EPB41L3: variants seen among roughly 807,000 people sequenced by gnomAD.
The protein encoded by EPB41L3 is erythrocyte membrane protein band 4.1 like 3, also known as band 4.1-like protein 3.
EPB41L3 carries 57 observed loss-of-function variants against 127.1 expected under a neutral mutation model. The ratio of observed to expected loss-of-function variants is 0.45; its 90% CI spans 0.36 to 0.56. EPB41L3 has a LOEUF of 0.56. EPB41L3 is among the 20% of genes least tolerant of loss of function. EPB41L3 has a pLI of 0.00. For synonymous variants in EPB41L3, 572 were observed against 549.5 expected (o/e 1.04, Z -0.57); for missense variants, 1,273 against 1,372.2 (o/e 0.93, Z 1.14).
At chr18:5,396,051 C>T in intron 19 of EPB41L3, 150 bp downstream of exon 19, 1 of 951,546 alleles carries the variant, frequency 1.1e-6, no homozygotes, top group South Asian at 1.5e-5. Flanking sequence ...AATAAAATGA[C>T]CATTATTGCA....
Position 5,394,722 on chromosome 18 carries a change from A to G in EPB41L3, c.3225T>C (p.His1075=), listed in dbSNP as rs746565220. ...PDMSVTKVVV[H]KETEITPEDG... Reference sequence around the variant, plus strand: ...CTTCTGGTGTGATCTCTGTCTCTTTATGGACCACTACTTTGGTCACTGACA... The same window carrying G: ...CTTCTGGTGTGATCTCTGTCTCTTTGTGGACCACTACTTTGGTCACTGACA... Residue 1075 remains histidine, a synonymous_variant, in exon 22 of 23, where the codon CAT becomes CAC. Transcript: ENST00000341928. 23 of 1,614,042 alleles carry G rather than the reference A, an allele frequency of 1.4e-5. No individual in the cohort carries two copies. The highest frequency in any genetic ancestry group is 8.5e-7 in the Non-Finnish European group (1 of 1,180,018).
At chr18:5,540,536 A>T in intron 1 of EPB41L3, 5 of 985,480 alleles carry the variant, frequency 5.1e-6, no homozygotes, top group Non-Finnish European at 6.0e-6. Context: ...AATTCCCCAC[A>T]GCCAAGGCAA....
intron 1 of EPB41L3, among the ~76,000 whole-genome samples, chr18:5,514,060 A>G (rs2092655111): frequency 6.6e-6 from 1 of 152,222 alleles, no homozygotes; most frequent in African/African-American, 2.4e-5. Flanking sequence ...AGTGGAAGAA[A>G]ATGAGGATTT....
intron 1 of EPB41L3, among the ~76,000 whole-genome samples, chr18:5,622,358 G>A (rs576535519): frequency 2.6e-5 from 4 of 152,324 alleles, no homozygotes; most frequent in South Asian, 2.1e-4. Flanking sequence ...TCTGCTAGAT[G>A]TGTATTACTA....
chr18:5,470,048 G>T (rs967496345), intron 3 of EPB41L3, among the ~76,000 whole-genome samples: 1 of 152,110 alleles, frequency 6.6e-6, no homozygotes, highest in African/African-American at 2.4e-5. Flanking sequence ...AAAGTGCTGG[G>T]ATTATAGACG....
chr18:5,404,084 C>T (rs1417449930), intron 16 of EPB41L3, among the ~76,000 whole-genome samples: 2 of 152,140 alleles, frequency 1.3e-5, no homozygotes, highest in African/African-American at 4.8e-5. Context: ...TTGATGTCAT[C>T]GATGACTATG....
intron 14 of EPB41L3, among the ~76,000 whole-genome samples, chr18:5,409,907 A>C (rs1011571384): frequency 1.3e-5 from 2 of 152,114 alleles, no homozygotes; most frequent in African/African-American, 4.8e-5. Flanking sequence ...ACACACATTT[A>C]ATGTGTTTCT....
chr18:5,626,350 C>T (rs2094923391), intron 1 of EPB41L3, among the ~76,000 whole-genome samples: 1 of 152,176 alleles, frequency 6.6e-6, no homozygotes, highest in Non-Finnish European at 1.5e-5. Context: ...GATCTGGTGG[C>T]TACTTTGAGT....
At chr18:5,482,428 G>A (rs536035800) in intron 2 of EPB41L3, among the ~76,000 whole-genome samples, 107 of 152,192 alleles carry the variant, frequency 7.0e-4, no homozygotes, top group Non-Finnish European at 1.4e-3. Context: ...AAGAGCAAAG[G>A]GTAGAAAGCA....
At chr18:5,420,793 GTAAC>G (rs1474366383) in intron 11 of EPB41L3, among the ~76,000 whole-genome samples, 4 of 152,204 alleles carry the variant, frequency 2.6e-5, no homozygotes, top group Admixed American at 6.5e-5. Flanking sequence ...CAAATACACA[GTAAC>G]TAATCACAGA....
chr18:5,468,956 A>G (rs2085544052), intron 3 of EPB41L3, among the ~76,000 whole-genome samples: 1 of 151,690 alleles, frequency 6.6e-6, no homozygotes, highest in Admixed American at 6.6e-5. Flanking sequence ...CAAACAAACA[A>G]AAAACAAAAA....
intron 11 of EPB41L3, 157 bp from the exon 12 acceptor site, chr18:5,420,034 C>A (rs1275838164): frequency 3.5e-6 from 5 of 1,447,520 alleles, no homozygotes; most frequent in Non-Finnish European, 1.8e-6. Flanking sequence ...AATACCAACA[C>A]AAAATACCAG....
Position 5,527,273 on chromosome 18 carries a change from T to A in EPB41L3, c.-12+16640A>T, listed in dbSNP as rs75936918. Among the ~76,000 whole-genome samples the A allele has an allele frequency of 1.3e-4, 20 of 152,288 alleles. No individual in the cohort carries two copies. The East Asian group carries it at 2.9e-3, about 22-fold the overall frequency. ...TCCAGCACACACTGATTCTCTCGTATCCCAAGAAGCTCCTGCAGTCAGCAC... is the reference window on the plus strand; with the variant it reads ...TCCAGCACACACTGATTCTCTCGTAACCCAAGAAGCTCCTGCAGTCAGCAC... On this transcript the variant is annotated intron_variant, in intron 1 of 22. Transcript: ENST00000341928.
At chr18:5,628,507 A>G (rs117303757) in intron 1 of EPB41L3, among the ~76,000 whole-genome samples, 734 of 152,304 alleles carry the variant, frequency 4.8e-3, no homozygotes, top group Non-Finnish European at 7.4e-3. Context: ...CTTGGCGCTC[A>G]GCGCCGCCCT....
At chr18:5,431,776 TAGG>T (rs1452039446) in intron 8 of EPB41L3, among the ~76,000 whole-genome samples, 1 of 152,174 alleles carries the variant, frequency 6.6e-6, no homozygotes, top group Non-Finnish European at 1.5e-5. Context: ...TTTAGCCTCT[TAGG>T]GGGAAACACT....
At chr18:5,518,637 T>A (rs1598560684) in intron 1 of EPB41L3, 2 of 152,340 alleles carry the variant, frequency 1.3e-5, no homozygotes, top group East Asian at 3.9e-4. Flanking sequence ...AAAGTCTTTG[T>A]TGAATAAACA....
chr18:5,433,699 G>T, intron 7 of EPB41L3, 143 bp from the exon 8 acceptor site: 1 of 891,778 alleles, frequency 1.1e-6, no homozygotes, highest in South Asian at 1.7e-5. Context: ...CAAGAAAAAG[G>T]GCTTTGCAAG....
At chr18:5,559,441 A>G (rs778420614) in intron 3 of EPB41L3, among the ~76,000 whole-genome samples, 3 of 152,178 alleles carry the variant, frequency 2.0e-5, no homozygotes, top group Non-Finnish European at 4.4e-5. Flanking sequence ...GCCACTAGAG[A>G]TAGGATGCTA....
chr18:5,489,053 G>A lies in EPB41L3; in HGVS notation c.131C>T (p.Ala44Val), dbSNP rs2090262200. Residue 44 changes from alanine (A) to valine (V), a missense_variant, in exon 2 of 23, where the codon GCC becomes GTC. Around this residue, in one of 3 missense-constraint regions of EPB41L3, gnomAD observed 182 missense variants for 149.2 expected, o/e 1.22. Coordinates refer to ENST00000341928, the MANE Select transcript of EPB41L3 (RefSeq NM_012307.5). Reference protein sequence around the residue: ...PEPPKEEQQQALEQFAAAAAH... With the variant: ...PEPPKEEQQQVLEQFAAAAAH... ...TGCAGCGGCGGCGAACTGCTCCAGG[G>A]CCTGCTGCTGCTCCTCCTTGGGCGG... 1 of 1,595,820 alleles carries A rather than the reference G, an allele frequency of 6.3e-7. No individual in the cohort carries two copies. Among genetic ancestry groups the A allele is most frequent in the East Asian group, 2.3e-5 (1 of 44,118 alleles).
Sources: gnomAD v4.1 joint callset for allele counts (sites outside exome capture counted in the v4.1 genomes callset) on GRCh38, gnomAD v4.1.1 for gene constraint, gnomAD v4.1.1 regional missense constraint, MANE v1.5 for transcripts, NCBI Gene and HGNC (gene_info 2026-07-23, HGNC 2026-07-21) for gene names.